Variants in PHACTR3 observed in about 807,000 individuals in gnomAD.
PHACTR3 encodes protein phosphatase 1, regulatory subunit 123.
PHACTR3 carries 16 observed loss-of-function variants against 66.8 expected under a neutral mutation model. The observed-to-expected ratio is 0.24, with a 90% CI of 0.16 to 0.36. The LOEUF is 0.36. PHACTR3 is among the 10% of genes least tolerant of loss of function. The pLI is 1.00. For missense variants in PHACTR3, 647 were observed against 719.9 expected (o/e 0.90, Z 1.16); for synonymous variants, 323 against 292.1 (o/e 1.11, Z -1.08).
chr20:59,836,604 G>C (rs1329528568), intron 9 of PHACTR3, 44 bp downstream of exon 9: 1 of 1,587,096 alleles, frequency 6.3e-7, no homozygotes, highest in Non-Finnish European at 8.6e-7. Context: ...TTCACGTGTG[G>C]TGAGGCTGTT....
chr20:59,834,171 T>C (rs1250735053), intron 8 of PHACTR3, among the ~76,000 whole-genome samples: 1 of 152,210 alleles, frequency 6.6e-6, no homozygotes, highest in South Asian at 2.1e-4. Flanking sequence ...AAAAGACTCA[T>C]GGTGCGCTCA....
intron 10 of PHACTR3, among the ~76,000 whole-genome samples, chr20:59,840,993 GCTC>G (rs1420005668): frequency 1.3e-5 from 2 of 152,152 alleles, no homozygotes; most frequent in African/African-American, 4.8e-5. Flanking sequence ...TCGTTGTGCT[GCTC>G]CATAATAATT....
At chr20:59,691,915 C>T (rs1031688290) in intron 1 of PHACTR3, among the ~76,000 whole-genome samples, 2 of 152,144 alleles carry the variant, frequency 1.3e-5, no homozygotes, top group Admixed American at 1.3e-4. Context: ...TTTTAGGTAC[C>T]CAGAAATTAC....
rs956331695 is a variant in PHACTR3 at position 59,695,438 on chromosome 20, G to A, written c.119-47669G>A. Among the ~76,000 whole-genome samples the A allele has an allele frequency of 7.2e-5, 11 of 152,172 alleles. No individual in the cohort carries two copies. In the East Asian group the frequency reaches 1.9e-3, roughly 27 times the overall value. ...CCTTTGCCTTCCGCCGTGATTATAA[G>A]TTTCCTGAGGTCTCTACAGTCGTGC... On this transcript the variant is annotated intron_variant, in intron 1 of 12. Coordinates refer to ENST00000371015, the MANE Select transcript of PHACTR3 (RefSeq NM_080672.5).
intron 4 of PHACTR3, among the ~76,000 whole-genome samples, chr20:59,761,024 A>T (rs1179995276): frequency 2.6e-5 from 4 of 152,008 alleles, no homozygotes; most frequent in Non-Finnish European, 4.4e-5. Flanking sequence ...TCTTCACCAT[A>T]ACAGTCTACA....
chr20:59,782,433 G>A (rs944367399), intron 7 of PHACTR3, among the ~76,000 whole-genome samples: 2 of 152,036 alleles, frequency 1.3e-5, no homozygotes, highest in African/African-American at 2.4e-5. Context: ...TGTATTTTTA[G>A]TAGAGGCAGA....
At chr20:59,609,209 G>C (rs1234288121) in intron 1 of PHACTR3, among the ~76,000 whole-genome samples, 1 of 152,172 alleles carries the variant, frequency 6.6e-6, no homozygotes, top group African/African-American at 2.4e-5. Context: ...ATCCTCTCCT[G>C]TCATGAGCTA....
intron 7 of PHACTR3, among the ~76,000 whole-genome samples, chr20:59,803,892 G>C (rs2041491589): frequency 6.6e-6 from 1 of 152,174 alleles, no homozygotes; most frequent in African/African-American, 2.4e-5. Context: ...GGGCATTTGG[G>C]GAGGGTGATG....
At chr20:59,795,286 A>G (rs2041219774) in intron 7 of PHACTR3, among the ~76,000 whole-genome samples, 1 of 151,844 alleles carries the variant, frequency 6.6e-6, no homozygotes, top group African/African-American at 2.4e-5. Flanking sequence ...CTCATATTTG[A>G]AAAGTTTCTG....
At chr20:59,630,184 T>C (rs1463664893) in intron 1 of PHACTR3, among the ~76,000 whole-genome samples, 1 of 152,164 alleles carries the variant, frequency 6.6e-6, no homozygotes, top group African/African-American at 2.4e-5. Flanking sequence ...GTTTAATTTT[T>C]CTTTTTTCTT....
At position 59,755,230 on chromosome 20, in the gene PHACTR3, A is replaced by G; in HGVS notation, c.407A>G (p.Gln136Arg). ...CNPDGGPRSV[Q>R]SEPPTPKSET... ...CCCGATGGAGGACCCCGATCTGTAC[A>G]GAGTGAACCACCCACTCCCAAGTCG... is the stretch of plus-strand genomic sequence containing the variant. The change falls in exon 4 of 13, where the codon CAG becomes CGG. Residue 136 changes from glutamine (Q) to arginine (R), a missense_variant. By Grantham distance (43) the Gln-to-Arg change is conservative. This residue lies in a region of PHACTR3 where 577 missense variants were observed against 571.1 expected (regional missense o/e 1.01). Transcript: ENST00000371015. 6.2e-7 allele frequency: 1 copy of G among 1,613,962 alleles called. No individual in the cohort carries two copies. The highest frequency in any genetic ancestry group is 8.5e-7 in the Non-Finnish European group (1 of 1,180,042).
At chr20:59,722,742 A>G (rs1310685066) in intron 1 of PHACTR3, among the ~76,000 whole-genome samples, 1 of 151,944 alleles carries the variant, frequency 6.6e-6, no homozygotes, top group Non-Finnish European at 1.5e-5. Context: ...CTTGAGGGGC[A>G]GCCATGGCGG....
chr20:59,710,155 C>T (rs2037858959), intron 1 of PHACTR3, among the ~76,000 whole-genome samples: 1 of 152,170 alleles, frequency 6.6e-6, no homozygotes, highest in Admixed American at 6.5e-5. Flanking sequence ...TAAATCCTCT[C>T]TAGTTCACCC....
intron 3 of PHACTR3, among the ~76,000 whole-genome samples, chr20:59,749,192 A>C (rs1330698866): frequency 1.3e-5 from 2 of 152,222 alleles, no homozygotes; most frequent in East Asian, 1.9e-4. Context: ...GGGACAAAAA[A>C]GTGTCAAACT....
chr20:59,592,847 A>T (rs955648165), intron 1 of PHACTR3, among the ~76,000 whole-genome samples: 1 of 152,126 alleles, frequency 6.6e-6, no homozygotes, highest in Non-Finnish European at 1.5e-5. Flanking sequence ...TTTTGTACTG[A>T]ATAATATTCC....
At chr20:59,669,490 C>G (rs973521328) in intron 1 of PHACTR3, among the ~76,000 whole-genome samples, 1 of 152,202 alleles carries the variant, frequency 6.6e-6, no homozygotes, top group Non-Finnish European at 1.5e-5. Flanking sequence ...ATTCACATAT[C>G]GTGCAGCTCA....
chr20:59,632,982 T>A (rs2034720456), intron 1 of PHACTR3, among the ~76,000 whole-genome samples: 1 of 152,024 alleles, frequency 6.6e-6, no homozygotes, highest in South Asian at 2.1e-4. Flanking sequence ...TGCTCTTGCT[T>A]TTGCACTTCC....
At chr20:59,843,622 A>G (rs1038689674) in intron 11 of PHACTR3, 4 of 152,090 alleles carry the variant, frequency 2.6e-5, no homozygotes, top group African/African-American at 7.2e-5. Context: ...GGAAAATTGG[A>G]TATCCATATG....
At chr20:59,780,164 C>T (rs1360999851) in intron 7 of PHACTR3, among the ~76,000 whole-genome samples, 1 of 152,140 alleles carries the variant, frequency 6.6e-6, no homozygotes, top group African/African-American at 2.4e-5. Context: ...CAGAGCCCCC[C>T]AGCTGCCTGT....
Sources: gnomAD v4.1 joint callset for allele counts (sites outside exome capture counted in the v4.1 genomes callset) on GRCh38, gnomAD v4.1.1 for gene constraint, gnomAD v4.1.1 regional missense constraint, MANE v1.5 for transcripts, NCBI Gene and HGNC (gene_info 2026-07-23, HGNC 2026-07-21) for gene names.